The following GABBR2 variants were observed in gnomAD, a reference collection of about 807,000 sequenced individuals.
The protein encoded by GABBR2 is gamma-aminobutyric acid type B receptor subunit 2.
GABBR2 carries 23 observed loss-of-function variants against 105.6 expected under a neutral mutation model. The ratio of observed to expected loss-of-function variants is 0.22; its 90% CI spans 0.16 to 0.31. GABBR2 has a LOEUF of 0.31. GABBR2 is among the 10% of genes least tolerant of loss of function. The pLI is 1.00. For synonymous variants in GABBR2, 478 were observed against 499.7 expected (o/e 0.96, Z 0.58); for missense variants, 734 against 1,245.5 (o/e 0.59, Z 6.18).
intron 8 of GABBR2, among the ~76,000 whole-genome samples, chr9:98,396,766 G>A (rs1832299415): frequency 1.3e-5 from 2 of 152,140 alleles, no homozygotes; most frequent in African/African-American, 2.4e-5. Context: ...TCAAGAGTGG[G>A]GAATGGTGTG....
chr9:98,616,214 A>T (rs1829580140), intron 1 of GABBR2, among the ~76,000 whole-genome samples: 1 of 152,068 alleles, frequency 6.6e-6, no homozygotes. Context: ...CTCCATCCTA[A>T]TTTTCCAACA....
At chr9:98,613,116 G>T (rs1443726699) in intron 1 of GABBR2, among the ~76,000 whole-genome samples, 1 of 152,112 alleles carries the variant, frequency 6.6e-6, no homozygotes, top group African/African-American at 2.4e-5. Context: ...CATAGCCTTT[G>T]GAATGACTTT....
At chr9:98,699,125 G>A (rs1386672233) in intron 1 of GABBR2, among the ~76,000 whole-genome samples, 2 of 152,232 alleles carry the variant, frequency 1.3e-5, no homozygotes, top group African/African-American at 2.4e-5. Context: ...CTCTGGAGGC[G>A]AGAGTGAGAT....
intron 2 of GABBR2, among the ~76,000 whole-genome samples, chr9:98,564,171 C>A (rs1475830617): frequency 6.6e-6 from 1 of 152,148 alleles, no homozygotes; most frequent in Non-Finnish European, 1.5e-5. Context: ...CTGCCTGGGT[C>A]CTCCATGGAC....
chr9:98,620,674 T>C (rs948582646), intron 1 of GABBR2, among the ~76,000 whole-genome samples: 2 of 152,148 alleles, frequency 1.3e-5, no homozygotes, highest in African/African-American at 4.8e-5. Flanking sequence ...CTTTGAGGCA[T>C]TGGGTCCGGG....
chr9:98,567,563 C>G (rs1828769452), intron 2 of GABBR2, among the ~76,000 whole-genome samples: 1 of 152,228 alleles, frequency 6.6e-6, no homozygotes, highest in Non-Finnish European at 1.5e-5. Flanking sequence ...GAGACCTATA[C>G]ATTTTCAGGG....
chr9:98,361,653 C>G (rs938067118), intron 13 of GABBR2, among the ~76,000 whole-genome samples: 20 of 152,192 alleles, frequency 1.3e-4, no homozygotes, highest in Non-Finnish European at 2.8e-4. Flanking sequence ...GTTCCTGCCC[C>G]CTTGGCCCGT....
At chr9:98,487,814 T>C (rs1264574084) in intron 4 of GABBR2, among the ~76,000 whole-genome samples, 1 of 151,924 alleles carries the variant, frequency 6.6e-6, no homozygotes, top group African/African-American at 2.4e-5. Flanking sequence ...CACATCCTAA[T>C]CCCCAGAACC....
At chr9:98,641,687 T>C (rs936115000) in intron 1 of GABBR2, among the ~76,000 whole-genome samples, 15 of 152,230 alleles carry the variant, frequency 9.9e-5, no homozygotes, top group Admixed American at 7.8e-4. Context: ...GAATCCATTC[T>C]GCCTTAATTT....
At chr9:98,684,606 A>G (rs931471632) in intron 1 of GABBR2, among the ~76,000 whole-genome samples, 1 of 152,166 alleles carries the variant, frequency 6.6e-6, no homozygotes, top group African/African-American at 2.4e-5. Flanking sequence ...ATGATACCCA[A>G]TGATATCTAT....
intron 13 of GABBR2, among the ~76,000 whole-genome samples, chr9:98,353,999 G>A (rs946481144): frequency 1.3e-4 from 20 of 152,190 alleles, no homozygotes; most frequent in African/African-American, 4.8e-4. Flanking sequence ...CAGCAATGCA[G>A]AACTGTGAGT....
chr9:98,614,515 A>G (rs1829551169), intron 1 of GABBR2, among the ~76,000 whole-genome samples: 1 of 152,320 alleles, frequency 6.6e-6, no homozygotes, highest in South Asian at 2.1e-4. Flanking sequence ...ACAAGATTGA[A>G]ACGGTGTCTC....
intron 13 of GABBR2, among the ~76,000 whole-genome samples, chr9:98,343,345 G>A (rs1368342509): frequency 1.3e-5 from 2 of 152,138 alleles, no homozygotes; most frequent in Non-Finnish European, 2.9e-5. Context: ...CTGTGGTTCC[G>A]TGGCTCACCT....
chr9:98,667,818 T>C (rs1019877101), intron 1 of GABBR2, among the ~76,000 whole-genome samples: 2 of 152,210 alleles, frequency 1.3e-5, no homozygotes, highest in Non-Finnish European at 2.9e-5. Flanking sequence ...TTTATAGATA[T>C]AGTGGATACT....
intron 1 of GABBR2, among the ~76,000 whole-genome samples, chr9:98,609,268 C>T (rs1829472114): frequency 2.0e-5 from 3 of 152,138 alleles, no homozygotes; most frequent in Admixed American, 1.3e-4. Context: ...GCCCCCACTC[C>T]CCCTTCCAGC....
At chr9:98,490,885 C>T (rs1447555129) in intron 4 of GABBR2, among the ~76,000 whole-genome samples, 2 of 152,102 alleles carry the variant, frequency 1.3e-5, no homozygotes, top group African/African-American at 4.8e-5. Context: ...AAGGGCCTCG[C>T]GACTTCATCA....
chr9:98,292,013 C>A (rs948999193), intron 18 of GABBR2, among the ~76,000 whole-genome samples: 1 of 152,216 alleles, frequency 6.6e-6, no homozygotes, highest in Non-Finnish European at 1.5e-5. Context: ...TTGCCACACC[C>A]TTCTGGTCTT....
At position 98,288,257 on chromosome 9, in the gene GABBR2, C is replaced by T. The variant is rs561683129; in HGVS notation, c.*2327G>A. ...ACATCATTGGAAAATGCCTTCAGGC[C>T]GAAGCCTCTTCAGAAATGGACGGTG... is the stretch of plus-strand genomic sequence containing the variant. On this transcript the variant is annotated 3_prime_UTR_variant, in exon 19 of 19. Coordinates refer to ENST00000259455, the MANE Select transcript of GABBR2 (RefSeq NM_005458.8). 2.5e-3 allele frequency: 381 copies of T among 152,574 alleles called. No individual in the cohort carries two copies. Among genetic ancestry groups the T allele is most frequent in the Non-Finnish European group, 3.6e-3 (244 of 68,010 alleles). 9.5% of individuals were successfully genotyped at this position (152,574 alleles called of 1,614,324 possible).
intron 13 of GABBR2, among the ~76,000 whole-genome samples, chr9:98,311,457 G>C (rs1458968061): frequency 6.6e-6 from 1 of 152,198 alleles, no homozygotes. Flanking sequence ...TCTCCAATTT[G>C]AGTCAGAGCT....
Sources: allele counts gnomAD v4.1 joint callset (sites outside exome capture counted in the v4.1 genomes callset), GRCh38; gene constraint gnomAD v4.1.1; transcripts MANE v1.5; gene names NCBI Gene and HGNC (gene_info 2026-07-23, HGNC 2026-07-21).